The following TBC1D22A variants were observed in gnomAD, a reference collection of about 807,000 sequenced individuals.
TBC1D22A encodes the protein TBC1 domain family member 22A, also known as putative GTPase activator.
TBC1D22A carries 38 observed loss-of-function variants against 60.2 expected under a neutral mutation model. The ratio of observed to expected loss-of-function variants is 0.63; its 90% CI spans 0.49 to 0.83. The LOEUF (loss-of-function observed/expected upper bound fraction) is 0.83, where lower values mean the gene tolerates loss of function less well. Ranked by LOEUF, TBC1D22A falls within the 40% of genes least tolerant of loss-of-function variation. The pLI, the probability that TBC1D22A is intolerant of heterozygous loss-of-function variation, is 0.00. For synonymous variants in TBC1D22A, 302 were observed against 281.7 expected (o/e 1.07, Z -0.72); for missense variants, 628 against 701.0 (o/e 0.90, Z 1.18).
chr22:47,122,245 A>C (rs2066297234), intron 12 of TBC1D22A, among the ~76,000 whole-genome samples: 1 of 152,160 alleles, frequency 6.6e-6, no homozygotes, highest in South Asian at 2.1e-4. Flanking sequence ...GGCTGCACAA[A>C]GTGCCATTGA....
intron 10 of TBC1D22A, among the ~76,000 whole-genome samples, chr22:47,013,223 G>A (rs2061808939): frequency 6.6e-6 from 1 of 152,146 alleles, no homozygotes; most frequent in African/African-American, 2.4e-5. Flanking sequence ...GCTCAAGTGT[G>A]GAGTGTGTTT....
intron 5 of TBC1D22A, among the ~76,000 whole-genome samples, chr22:46,884,297 GGACT>G (rs2068000654): frequency 6.6e-6 from 1 of 152,188 alleles, no homozygotes; most frequent in Non-Finnish European, 1.5e-5. Context: ...CTTTGAGCAG[GGACT>G]TAGAGGAGCA....
At chr22:46,886,391 C>T (rs572370974) in intron 5 of TBC1D22A, among the ~76,000 whole-genome samples, 5 of 152,272 alleles carry the variant, frequency 3.3e-5, no homozygotes, top group Admixed American at 1.3e-4. Context: ...TGTAATTCAC[C>T]GAGCGATTGT....
chr22:46,867,855 C>T (rs773124901), intron 4 of TBC1D22A, among the ~76,000 whole-genome samples: 5 of 152,234 alleles, frequency 3.3e-5, no homozygotes, highest in Non-Finnish European at 5.9e-5. Flanking sequence ...CCAGAGGAAA[C>T]ATTTAAAAAA....
intron 10 of TBC1D22A, among the ~76,000 whole-genome samples, chr22:46,998,730 C>T (rs911158614): frequency 2.0e-5 from 3 of 152,250 alleles, no homozygotes; most frequent in African/African-American, 7.2e-5. Context: ...TGATTTTTAA[C>T]TCTGTGTCTC....
rs897893908 is a variant in TBC1D22A, at chr22:46,839,834, C to T, written c.638-38819C>T. On this transcript the variant is annotated intron_variant, in intron 4 of 12. Coordinates refer to ENST00000337137, the MANE Select transcript of TBC1D22A (RefSeq NM_014346.5). The stretch of plus-strand genomic sequence containing the variant: ...TGATCTTTGACAAAGGTGCCAAGAA[C>T]GCACAATAGGGAAAAGGGTAGTCTT... Among the ~76,000 whole-genome samples, 8 of 152,078 alleles carry T rather than the reference C, an allele frequency of 5.3e-5. No homozygotes were observed. The South Asian group carries it at 8.3e-4, about 16-fold the overall frequency.
chr22:47,081,497 C>T (rs1011633259), intron 11 of TBC1D22A, among the ~76,000 whole-genome samples: 1 of 151,990 alleles, frequency 6.6e-6, no homozygotes, highest in African/African-American at 2.4e-5. Flanking sequence ...GCCGGGGCCT[C>T]CAGTCACGAA....
intron 4 of TBC1D22A, among the ~76,000 whole-genome samples, chr22:46,836,499 A>G (rs2086527687): frequency 6.6e-6 from 1 of 152,102 alleles, no homozygotes; most frequent in African/African-American, 2.4e-5. Context: ...ATATAAAGAG[A>G]AAAGAATCAA....
chr22:46,764,995 T>C (rs2083236347), intron 1 of TBC1D22A, among the ~76,000 whole-genome samples: 1 of 152,232 alleles, frequency 6.6e-6, no homozygotes, highest in Non-Finnish European at 1.5e-5. Flanking sequence ...TAATACAGTC[T>C]CCAGCTTTCT....
rs374215339 is a variant in TBC1D22A at position 47,136,519 on chromosome 22, T to C, written c.1425+24916T>C. Among the ~76,000 whole-genome samples the C allele has an allele frequency of 1.9e-4, 28 of 147,540 alleles. 2 individuals are homozygous for C. In the East Asian group the frequency reaches 5.8e-3, roughly 31 times the overall value. On this transcript the variant is annotated intron_variant, in intron 12 of 12. Transcript: ENST00000337137. ...AAAATGCCCTGGCATCCAGCCTTCC[T>C]GAGGGAGGCTTGTTTCAGTGATGGC...
At chr22:46,940,233 C>T (rs1320356009) in intron 8 of TBC1D22A, among the ~76,000 whole-genome samples, 4 of 152,320 alleles carry the variant, frequency 2.6e-5, no homozygotes, top group African/African-American at 9.6e-5. Flanking sequence ...GAAAATGGCA[C>T]TGATGGACTT....
chr22:47,147,197 G>A (rs994002408), intron 12 of TBC1D22A, among the ~76,000 whole-genome samples: 3 of 152,198 alleles, frequency 2.0e-5, no homozygotes, highest in African/African-American at 7.2e-5. Context: ...GGAGGGCTCC[G>A]CCACCTGCAG....
intron 4 of TBC1D22A, among the ~76,000 whole-genome samples, chr22:46,815,945 G>T (rs1198663125): frequency 6.6e-6 from 1 of 152,162 alleles, no homozygotes; most frequent in Non-Finnish European, 1.5e-5. Flanking sequence ...ACCTGCGTGC[G>T]CCATGGGCAG....
chr22:46,793,573 T>G lies in TBC1D22A; in HGVS notation c.192T>G (p.Phe64Leu). ...AGAGGGTCAGCACCTTCCAGGAGTT[T>G]GAGAGCAATACCAGCGATGCCTGGG... ...KAKRVSTFQE[F>L]ESNTSDAWDA... Residue 64 changes from phenylalanine to leucine, a missense_variant, in exon 3 of 13, where the codon TTT becomes TTG. Physicochemically the swap from Phe to Leu is conservative, Grantham distance 22. Transcript: ENST00000337137. 1 of 1,614,106 alleles carries G rather than the reference T, an allele frequency of 6.2e-7. No homozygotes were observed. The highest frequency in any genetic ancestry group is 8.5e-7 in the Non-Finnish European group (1 of 1,180,028).
At chr22:47,102,072 C>G (rs545295984) in intron 11 of TBC1D22A, among the ~76,000 whole-genome samples, 1 of 152,128 alleles carries the variant, frequency 6.6e-6, no homozygotes, top group Admixed American at 6.5e-5. Context: ...GGGAGGAAAC[C>G]GTTTCCGTCC....
chr22:47,119,590 G>A (rs961612705), intron 12 of TBC1D22A, among the ~76,000 whole-genome samples: 52 of 151,416 alleles, frequency 3.4e-4, no homozygotes, highest in Admixed American at 1.4e-3. Flanking sequence ...TCCACCTCCT[G>A]GGTTCAAGTG....
chr22:46,803,173 C>A (rs1465796598), intron 4 of TBC1D22A, among the ~76,000 whole-genome samples: 2 of 152,032 alleles, frequency 1.3e-5, no homozygotes, highest in African/African-American at 4.8e-5. Context: ...CCCCTCTGCA[C>A]CCCCACCCCC....
intron 4 of TBC1D22A, among the ~76,000 whole-genome samples, chr22:46,826,443 T>G (rs1357721095): frequency 1.3e-5 from 2 of 152,270 alleles, no homozygotes; most frequent in Non-Finnish European, 2.9e-5. Context: ...AAGATATGCC[T>G]ATTTTTAAGA....
rs949340337 is a variant in TBC1D22A, at chr22:46,913,486, A to G, written c.1015+1298A>G. 35 of 1,323,430 alleles carry G rather than the reference A, an allele frequency of 2.6e-5. 1 individual carries two copies. In the Admixed American group the frequency reaches 7.7e-4, roughly 29 times the overall value. The allele number at this position is 1,323,430 out of a possible 1,614,324, so 82.0% of individuals were successfully genotyped here. A position where few individuals can be genotyped will look rare whatever the true frequency, so the allele number is the denominator to read the frequency against. ...TGCAGCCCTCTGACACTTTGTTTCC[A>G]TTTGTGATTTCATAGGAGGTTGTCT... On this transcript the variant is annotated intron_variant, in intron 8 of 12. Coordinates refer to ENST00000337137, the MANE Select transcript of TBC1D22A (RefSeq NM_014346.5).
Sources: allele counts gnomAD v4.1 joint callset (sites outside exome capture counted in the v4.1 genomes callset), GRCh38; gene constraint gnomAD v4.1.1; transcripts MANE v1.5; gene names NCBI Gene and HGNC (gene_info 2026-07-23, HGNC 2026-07-21).